TTC3: variants seen among roughly 807,000 people sequenced by gnomAD.
TTC3 encodes the protein E3 ubiquitin-protein ligase TTC3.
A neutral mutation model predicts 249.6 loss-of-function variants in TTC3; 180 were observed. The observed-to-expected ratio is 0.72, with a 90% confidence interval of 0.64 to 0.82. The LOEUF (loss-of-function observed/expected upper bound fraction) is 0.82, where lower values mean the gene tolerates loss of function less well. Among genes scored for constraint, TTC3 ranks in the 40% least tolerant of loss-of-function variants. The pLI is 0.00. For synonymous variants in TTC3, 717 were observed against 805.0 expected (o/e 0.89, Z 1.85); for missense variants, 2,061 against 2,398.4 (o/e 0.86, Z 2.94).
intron 31 of TTC3, 65 bp from the exon 32 acceptor site, chr21:37,163,986 G>T: frequency 2.6e-6 from 4 of 1,510,978 alleles, no homozygotes; most frequent in Non-Finnish European, 3.6e-6. Flanking sequence ...ACATTCTTCT[G>T]GTTAAATAAT....
intron 11 of TTC3, among the ~76,000 whole-genome samples, chr21:37,111,591 A>G (rs569299686): frequency 6.6e-6 from 1 of 152,204 alleles, no homozygotes; most frequent in Non-Finnish European, 1.5e-5. Flanking sequence ...CTCCCACAGA[A>G]TAATAATGGG....
chr21:37,130,412 C>G (rs1485650125), intron 16 of TTC3, among the ~76,000 whole-genome samples: 1 of 151,902 alleles, frequency 6.6e-6, no homozygotes, highest in Non-Finnish European at 1.5e-5. Context: ...ATTTATTTTT[C>G]TGATATTTTG....
chr21:37,187,133 T>C (rs1273911751), exon 38 of TTC3: 1 of 1,579,714 alleles, frequency 6.3e-7, no homozygotes, highest in Non-Finnish European at 8.5e-7. Flanking sequence ...ATCAGAGAGC[T>C]GTGGCTGCAG....
At chr21:37,177,288 A>G (rs1050141142) in intron 35 of TTC3, among the ~76,000 whole-genome samples, 1 of 152,140 alleles carries the variant, frequency 6.6e-6, no homozygotes, top group South Asian at 2.1e-4. Context: ...TCAAGCTTCT[A>G]CTGACTTCAG....
intron 39 of TTC3, 196 bp downstream of exon 39, chr21:37,188,791 C>T: frequency 2.4e-6 from 1 of 409,102 alleles, no homozygotes; most frequent in Non-Finnish European, 4.4e-6. Flanking sequence ...GGATAGATAA[C>T]ATTTGTATTT....
chr21:37,144,757 A>C, intron 21 of TTC3, 112 bp downstream of exon 21: 2 of 1,331,506 alleles, frequency 1.5e-6, no homozygotes, highest in Non-Finnish European at 1.0e-6. Flanking sequence ...CCTCCCTTAC[A>C]CGCATTTCCC....
chr21:37,161,063 A>G (rs2080694201), intron 30 of TTC3, among the ~76,000 whole-genome samples: 1 of 151,508 alleles, frequency 6.6e-6, no homozygotes, highest in Non-Finnish European at 1.5e-5. Flanking sequence ...TGACACTCGT[A>G]TTCTTTATTG....
intron 11 of TTC3, among the ~76,000 whole-genome samples, chr21:37,117,238 G>A (rs1469708278): frequency 1.3e-5 from 2 of 152,076 alleles, no homozygotes; most frequent in Non-Finnish European, 2.9e-5. Flanking sequence ...TCCCCAGGTG[G>A]ACTTCTGCAT....
In TTC3 at chr21:37,165,866, G is replaced by A. The variant is rs374552396; in HGVS notation, c.3652G>A (p.Val1218Ile). The change falls in exon 33 of 46, where the codon GTA (valine) becomes ATA (isoleucine). Residue 1218 changes from valine (V) to isoleucine (I), a missense_variant. Transcript: ENST00000355666. ...AGCTGCTAGGGAATTTAAACCAGAT[G>A]TAAAGTCTAAACCAGTGTCAGATTC... 1.8e-5 allele frequency: 29 copies of A among 1,614,070 alleles called. No individual in the cohort carries two copies. The African/African-American group carries it at 2.9e-4, about 16-fold the overall frequency.
intron 35 of TTC3, among the ~76,000 whole-genome samples, chr21:37,180,969 A>G (rs1435366015): frequency 6.6e-6 from 1 of 152,212 alleles, no homozygotes; most frequent in Non-Finnish European, 1.5e-5. Context: ...GAAATTGTTT[A>G]TAGTTATGTC....
intron 42 of TTC3, among the ~76,000 whole-genome samples, chr21:37,196,497 A>G (rs997074629): frequency 2.0e-5 from 3 of 152,202 alleles, no homozygotes; most frequent in African/African-American, 7.2e-5. Context: ...TTGGCCTCCC[A>G]AAGTGCTGGG....
At chr21:37,091,991 T>C (rs1025428076) in intron 7 of TTC3, among the ~76,000 whole-genome samples, 1 of 152,252 alleles carries the variant, frequency 6.6e-6, no homozygotes, top group Admixed American at 6.5e-5. Context: ...AGTTGTTATA[T>C]GTAATACTCA....
intron 9 of TTC3, 71 bp from the exon 10 acceptor site, chr21:37,096,510 T>C (rs1194504049): frequency 4.8e-6 from 6 of 1,262,286 alleles, no homozygotes; most frequent in Non-Finnish European, 6.8e-6. Context: ...TCATGCCTTA[T>C]GTTTTCTACG....
At chr21:37,183,047 G>A in intron 36 of TTC3, 134 bp downstream of exon 36, 1 of 849,876 alleles carries the variant, frequency 1.2e-6, no homozygotes, top group South Asian at 2.4e-5. Context: ...TCATTGTTTT[G>A]TCTCATTTAA....
chr21:37,116,662 A>G (rs1219487631), intron 11 of TTC3, among the ~76,000 whole-genome samples: 1 of 151,990 alleles, frequency 6.6e-6, no homozygotes, highest in Non-Finnish European at 1.5e-5. Flanking sequence ...ATTTTAAAAA[A>G]TTACTGGATG....
chr21:37,174,619 G>A (rs1179627735), intron 35 of TTC3, among the ~76,000 whole-genome samples: 1 of 152,142 alleles, frequency 6.6e-6, no homozygotes, highest in African/African-American at 2.4e-5. Context: ...TGCCATGTTT[G>A]GATGTAGCAA....
At chr21:37,187,498 A>G (rs1406214158) in intron 38 of TTC3, among the ~76,000 whole-genome samples, 1 of 152,254 alleles carries the variant, frequency 6.6e-6, no homozygotes, top group Non-Finnish European at 1.5e-5. Context: ...ATATTTGCCA[A>G]TACTTGGAAA....
Position 37,154,909 on chromosome 21 carries a change from A to G in TTC3, c.2740+1632A>G, listed in dbSNP as rs2079865277. Reference sequence around the variant, plus strand: ...ACGGGGTTTCACCGTGTTAGCCAGGATGGTCTTGATCTCCTGACCTCGTGA... The same window carrying G: ...ACGGGGTTTCACCGTGTTAGCCAGGGTGGTCTTGATCTCCTGACCTCGTGA... On this transcript the variant is annotated intron_variant, in intron 27 of 45. Transcript: ENST00000355666. 2.0e-5 allele frequency among the ~76,000 whole-genome samples: 3 copies of G among 152,142 alleles called. No individual in the cohort carries two copies. The South Asian group carries it at 6.2e-4, about 32-fold the overall frequency.
At chr21:37,136,925 A>G (rs1248163486) in intron 18 of TTC3, among the ~76,000 whole-genome samples, 1 of 152,200 alleles carries the variant, frequency 6.6e-6, no homozygotes, top group Admixed American at 6.5e-5. Flanking sequence ...TGTTCCAAAA[A>G]TCCTCAGGCC....
Sources: gnomAD v4.1 joint callset for allele counts (sites outside exome capture counted in the v4.1 genomes callset) on GRCh38, gnomAD v4.1.1 for gene constraint, MANE v1.5 for transcripts, NCBI Gene and HGNC (gene_info 2026-07-23, HGNC 2026-07-21) for gene names.